Variants in TFR2 observed in about 807,000 individuals in gnomAD.
TFR2 encodes the protein transferrin receptor 2.
TFR2 carries 64 observed loss-of-function variants against 91.9 expected under a neutral mutation model. That is an observed-to-expected ratio of 0.70 (90% confidence interval 0.57 to 0.86). The LOEUF is 0.86. TFR2 is among the 40% of genes least tolerant of loss of function. The pLI is 0.00. For synonymous variants in TFR2, 454 were observed against 459.6 expected, an observed-to-expected ratio of 0.99 and a Z score of 0.15; for missense variants, 950 against 1,080.5, an observed-to-expected ratio of 0.88 and a Z score of 1.69.
rs987977631 is a variant in TFR2 at position 100,628,115 on chromosome 7, G to A, written c.1495C>T (p.Leu499Phe). 6.2e-7 allele frequency: 1 copy of A among 1,613,982 alleles called. No homozygotes were observed. The highest frequency in any genetic ancestry group is 1.3e-5 in the African/African-American group (1 of 74,906). ...AGGCTCACGTACACTACGGCTTTGA[G>A]GTGCAGCACGCTGAGGTAGCCCTGT... ...WLEGYLSVLHLKAVVYVSLDN... is the reference protein window; with the variant it reads ...WLEGYLSVLHFKAVVYVSLDN... The change falls in exon 12 of 18, where the codon CTC becomes TTC. Residue 499 changes from leucine (L) to phenylalanine (F), a missense_variant. By Grantham distance (22) the Leu-to-Phe change is conservative. Transcript: ENST00000223051.
intron 3 of TFR2, among the ~76,000 whole-genome samples, chr7:100,635,502 A>G (rs975324498): frequency 1.3e-5 from 2 of 150,812 alleles, no homozygotes; most frequent in African/African-American, 4.9e-5. Context: ...CTGGAATGCA[A>G]TGGCGCAATC....
At chr7:100,630,792 G>C (rs1403032585) in intron 9 of TFR2, 97 bp downstream of exon 9, 1 of 1,562,306 alleles carries the variant, frequency 6.4e-7, no homozygotes, top group Non-Finnish European at 8.7e-7. Context: ...TCCCCTCTTG[G>C]GGCCTCCTGC....
chr7:100,641,269 T>TG (rs1205003258), intron 1 of TFR2, 41 bp from the exon 2 acceptor site: 25 of 1,239,028 alleles, frequency 2.0e-5, no homozygotes, highest in African/African-American at 2.1e-5. Context: ...GCAAGAGGCC[T>TG]GGGGGGTGGG....
In TFR2 at chr7:100,640,889, T is replaced by C; in HGVS notation, c.287-17A>G. The C allele has an allele frequency of 6.2e-7, 1 of 1,613,856 alleles. No individual in the cohort carries two copies. Among genetic ancestry groups the C allele is most frequent in the Non-Finnish European group, 8.5e-7 (1 of 1,179,988 alleles). ...GTAGGAAGGCTGGCGGGTGGCAAGA[T>C]GGGGATTCTCTTTATGCCCACCTCT... On this transcript the variant is annotated splice_polypyrimidine_tract_variant and intron_variant, in intron 2 of 17. Transcript: ENST00000223051.
chr7:100,628,413 T>A, intron 10 of TFR2, 107 bp from the exon 11 acceptor site: 1 of 1,078,120 alleles, frequency 9.3e-7, no homozygotes, highest in Non-Finnish European at 1.4e-6. Flanking sequence ...TCTGTCTCTC[T>A]CTCTGAGACA....
At chr7:100,638,970 T>C (rs4727457) in intron 3 of TFR2, among the ~76,000 whole-genome samples, 132,343 of 152,072 alleles carry the variant, frequency 0.87, 57,856 homozygotes, top group African/African-American at 0.95. Flanking sequence ...AGCAGGTGAA[T>C]CCAGCAACAT....
chr7:100,637,918 G>A (rs982010199), intron 3 of TFR2, among the ~76,000 whole-genome samples: 5 of 151,296 alleles, frequency 3.3e-5, no homozygotes, highest in East Asian at 2.0e-4. Flanking sequence ...CGCAACCTCC[G>A]CCTCCTGGGT....
chr7:100,623,574 T>C (rs369097198), intron 17 of TFR2, among the ~76,000 whole-genome samples: 58 of 152,188 alleles, frequency 3.8e-4, no homozygotes, highest in African/African-American at 1.3e-3. Context: ...GCTCAGGAGT[T>C]TGAGACCAGC....
chr7:100,626,495 A>C, intron 17 of TFR2: 1 of 1,321,400 alleles, frequency 7.6e-7, no homozygotes, highest in East Asian at 3.2e-5. Flanking sequence ...GGGAGGGTGG[A>C]TTGTCCCAGT....
At chr7:100,641,323 A>T (rs1453840177) in intron 1 of TFR2, 95 bp from the exon 2 acceptor site, 5 of 744,882 alleles carry the variant, frequency 6.7e-6, no homozygotes, top group Non-Finnish European at 7.9e-6. Context: ...GGGGTGTCAA[A>T]TGAGCATGGT....
chr7:100,632,202 G>A lies in TFR2; in HGVS notation c.850-4C>T. The A allele has an allele frequency of 2.5e-6, 4 of 1,613,192 alleles. No homozygotes were observed. Among genetic ancestry groups the A allele is most frequent in the Non-Finnish European group, 3.4e-6 (4 of 1,179,266 alleles). Reference sequence around the variant, plus strand: ...CGAAGTCCTGAGCATTGGTCACCTGGGGAGGAAGGTGACTAGAGGACTCCT... The same window carrying A: ...CGAAGTCCTGAGCATTGGTCACCTGAGGAGGAAGGTGACTAGAGGACTCCT... On this transcript the variant is annotated splice_polypyrimidine_tract_variant and splice_region_variant and intron_variant, in intron 6 of 17. Transcript: ENST00000223051.
At position 100,626,845 on chromosome 7, in the gene TFR2, G is replaced by A. The variant is rs765525964; in HGVS notation, c.2054C>T (p.Ala685Val). The part of the protein sequence containing the change: ...YSARGDYIRA[A>V]EKLRQEIYSS... ...GTAGATCTCCTGCCGCAGCTTTTCC[G>A]CCGCCCGGATGTAGTCCCCCCGCGC... The change falls in exon 17 of 18, where the codon GCG (alanine) becomes GTG (valine). Residue 685 changes from alanine to valine, a missense_variant. Coordinates refer to ENST00000223051, the MANE Select transcript of TFR2 (RefSeq NM_003227.4). 4.5e-6 allele frequency: 7 copies of A among 1,549,072 alleles called. No individual in the cohort carries two copies. In the East Asian group the frequency reaches 1.7e-4, roughly 38 times the overall value.
At position 100,620,542 on chromosome 7, in the gene TFR2, G is replaced by A. The variant is rs1803073009; in HGVS notation, c.*315C>T. The A allele has an allele frequency of 3.1e-6, 1 of 321,216 alleles. No homozygotes were observed. Among genetic ancestry groups the A allele is most frequent in the Non-Finnish European group, 5.9e-6 (1 of 168,660 alleles). The allele number at this position is 321,216 out of a possible 1,614,324, so 19.9% of individuals were successfully genotyped here. ...CACTAACAGAGCTGGCCAGGTCCCAGGGCCTAGCAAACCTCCCAGAGTGGT... is the reference window on the plus strand; with the variant it reads ...CACTAACAGAGCTGGCCAGGTCCCAAGGCCTAGCAAACCTCCCAGAGTGGT... On this transcript the variant is annotated 3_prime_UTR_variant, in exon 18 of 18. Transcript: ENST00000223051.
chr7:100,633,637 C>T (rs1436382292), intron 3 of TFR2, 81 bp from the exon 4 acceptor site: 3 of 1,387,202 alleles, frequency 2.2e-6, no homozygotes, highest in Non-Finnish European at 2.8e-6. Flanking sequence ...GACGTGGGGT[C>T]GCCAGGGGCA....
chr7:100,621,155 T>A (rs751420435), intron 17 of TFR2, 29 bp from the exon 18 acceptor site: 2 of 1,465,586 alleles, frequency 1.4e-6, no homozygotes, highest in Admixed American at 2.5e-5. Context: ...CAGGTCAGGG[T>A]TGGGGGCTCT....
intron 9 of TFR2, 42 bp from the exon 10 acceptor site, chr7:100,629,414 C>G: frequency 6.2e-7 from 1 of 1,611,748 alleles, no homozygotes. Context: ...ACACTGCACC[C>G]TGCACCCTGG....
intron 3 of TFR2, among the ~76,000 whole-genome samples, chr7:100,638,877 G>A (rs762566214): frequency 1.2e-4 from 18 of 151,554 alleles, no homozygotes; most frequent in Non-Finnish European, 2.4e-4. Context: ...CTATCATCTC[G>A]GCACTGTCTG....
At chr7:100,632,932 C>G in intron 6 of TFR2, 69 bp downstream of exon 6, 1 of 1,612,616 alleles carries the variant, frequency 6.2e-7, no homozygotes. Flanking sequence ...GCACCCTGAA[C>G]GATTCTCACT....
At chr7:100,628,175 C>A in intron 11 of TFR2, 39 bp from the exon 12 acceptor site, 1 of 1,613,008 alleles carries the variant, frequency 6.2e-7, no homozygotes, top group Non-Finnish European at 8.5e-7. Context: ...GAACCCCCCA[C>A]CCCCACCTCT....
Sources: allele counts gnomAD v4.1 joint callset (sites outside exome capture counted in the v4.1 genomes callset), GRCh38; gene constraint gnomAD v4.1.1; transcripts MANE v1.5; gene names NCBI Gene and HGNC (gene_info 2026-07-23, HGNC 2026-07-21).